HPSE2: variants seen among roughly 807,000 people sequenced by gnomAD.
HPSE2 encodes the protein inactive heparanase-2.
Under a neutral mutation model 60.5 loss-of-function variants are expected in HPSE2, and 38 were observed. The ratio of observed to expected loss-of-function variants is 0.63; its 90% CI spans 0.48 to 0.82. The LOEUF is 0.82. HPSE2 is among the 40% of genes least tolerant of loss of function. The pLI, the probability that HPSE2 is intolerant of heterozygous loss-of-function variation, is 0.00. For synonymous variants in HPSE2, 295 were observed against 293.2 expected, an observed-to-expected ratio of 1.01 and a Z score of -0.06; for missense variants, 713 against 740.4, an observed-to-expected ratio of 0.96 and a Z score of 0.43.
Position 98,570,001 on chromosome 10 carries a change from G to A in HPSE2, c.1320+44903C>T, listed in dbSNP as rs376829786. Among the ~76,000 whole-genome samples, 69 of 152,324 alleles carry A rather than the reference G, an allele frequency of 4.5e-4. No homozygotes were observed. In the South Asian group the frequency reaches 0.014, roughly 31 times the overall value. On this transcript the variant is annotated intron_variant, in intron 9 of 11. Coordinates refer to ENST00000370552, the MANE Select transcript of HPSE2 (RefSeq NM_021828.5). ...AATTACACACACAATCCAACTAAGT[G>A]TTAAGAGGTCTTCTCTGAGACAGCT...
At chr10:99,012,521 C>T (rs536728495) in intron 3 of HPSE2, among the ~76,000 whole-genome samples, 2 of 151,980 alleles carry the variant, frequency 1.3e-5, no homozygotes, top group South Asian at 2.1e-4. Flanking sequence ...TGGCACCTAA[C>T]ACCAATGCCA....
chr10:98,619,996 C>G (rs1430883688), intron 8 of HPSE2, among the ~76,000 whole-genome samples: 1 of 152,200 alleles, frequency 6.6e-6, no homozygotes, highest in South Asian at 2.1e-4. Context: ...GAATAAGTTA[C>G]TTCACCTCTT....
intron 3 of HPSE2, among the ~76,000 whole-genome samples, chr10:98,941,454 A>C (rs1423870279): frequency 7.1e-6 from 1 of 140,688 alleles, no homozygotes; most frequent in Non-Finnish European, 1.5e-5. Context: ...CAGAGAGCCA[A>C]ATCATCAGTG....
chr10:98,871,534 G>A (rs977203914), intron 3 of HPSE2, among the ~76,000 whole-genome samples: 1 of 151,692 alleles, frequency 6.6e-6, no homozygotes, highest in Non-Finnish European at 1.5e-5. Flanking sequence ...GACATTTAAT[G>A]GCAAATATAC....
chr10:98,632,113 G>C (rs1366707765), intron 7 of HPSE2, among the ~76,000 whole-genome samples: 1 of 152,118 alleles, frequency 6.6e-6, no homozygotes, highest in Non-Finnish European at 1.5e-5. Context: ...TAAGAGTGCT[G>C]GTTCTAGAGT....
At chr10:99,182,666 G>C (rs1847820860) in intron 2 of HPSE2, among the ~76,000 whole-genome samples, 1 of 152,044 alleles carries the variant, frequency 6.6e-6, no homozygotes. Context: ...CAGTAATTAT[G>C]GAATAACAGG....
At chr10:99,207,815 T>A (rs1336888792) in intron 2 of HPSE2, among the ~76,000 whole-genome samples, 1 of 151,784 alleles carries the variant, frequency 6.6e-6, no homozygotes, top group Non-Finnish European at 1.5e-5. Flanking sequence ...ACCCCCCACC[T>A]TATTCACAAG....
At chr10:98,662,665 CTAA>C (rs2134090110) in intron 6 of HPSE2, among the ~76,000 whole-genome samples, 1 of 152,270 alleles carries the variant, frequency 6.6e-6, no homozygotes, top group East Asian at 1.9e-4. Context: ...ATGAGTTTAC[CTAA>C]TAACAAACCT....
chr10:98,755,563 T>C (rs1949858794), intron 3 of HPSE2, among the ~76,000 whole-genome samples: 1 of 152,218 alleles, frequency 6.6e-6, no homozygotes, highest in African/African-American at 2.4e-5. Flanking sequence ...CAACGGAATA[T>C]ACATTCTTCT....
intron 3 of HPSE2, among the ~76,000 whole-genome samples, chr10:98,925,576 C>A (rs1356989196): frequency 6.6e-6 from 1 of 152,040 alleles, no homozygotes; most frequent in East Asian, 1.9e-4. Context: ...CAATATCAAC[C>A]AATGGGGATG....
chr10:99,072,347 A>G (rs1199719650), intron 3 of HPSE2, among the ~76,000 whole-genome samples: 1 of 108,902 alleles, frequency 9.2e-6, no homozygotes, highest in Non-Finnish European at 2.4e-5. Context: ...AGAAACTATC[A>G]TCAGAGCAAA....
chr10:98,932,342 T>C (rs1179538436), intron 3 of HPSE2, among the ~76,000 whole-genome samples: 1 of 144,224 alleles, frequency 6.9e-6, no homozygotes, highest in Non-Finnish European at 1.5e-5. Flanking sequence ...GTGGATAAAC[T>C]TTTTGATGTG....
At chr10:98,872,098 A>T (rs1952748142) in intron 3 of HPSE2, among the ~76,000 whole-genome samples, 1 of 152,028 alleles carries the variant, frequency 6.6e-6, no homozygotes, top group Non-Finnish European at 1.5e-5. Flanking sequence ...CATTTTTGTG[A>T]GGTCCGTTAC....
intron 5 of HPSE2, among the ~76,000 whole-genome samples, chr10:98,711,400 G>C (rs1948673285): frequency 6.6e-6 from 1 of 152,146 alleles, no homozygotes; most frequent in Admixed American, 6.6e-5. Flanking sequence ...AGGTTGAGAA[G>C]AACTGTATTT....
intron 6 of HPSE2, among the ~76,000 whole-genome samples, chr10:98,679,691 T>C (rs1365602352): frequency 6.6e-6 from 1 of 152,144 alleles, no homozygotes; most frequent in East Asian, 1.9e-4. Flanking sequence ...GGGATTATTT[T>C]AGTTTTCGTT....
chr10:99,117,840 G>C (rs1383863131), intron 3 of HPSE2, among the ~76,000 whole-genome samples: 1 of 152,154 alleles, frequency 6.6e-6, no homozygotes, highest in African/African-American at 2.4e-5. Flanking sequence ...AATTGAGGAT[G>C]AGGGACCCTT....
chr10:98,827,502 G>A (rs770579367), intron 3 of HPSE2, among the ~76,000 whole-genome samples: 2 of 151,958 alleles, frequency 1.3e-5, no homozygotes, highest in South Asian at 2.1e-4. Flanking sequence ...CACTGCGCCC[G>A]GCCCTACACC....
At chr10:98,746,019 T>C (rs907116225) in intron 3 of HPSE2, among the ~76,000 whole-genome samples, 1 of 152,158 alleles carries the variant, frequency 6.6e-6, no homozygotes, top group Non-Finnish European at 1.5e-5. Context: ...TTCTTACATA[T>C]ATAAGAAAGT....
intron 3 of HPSE2, among the ~76,000 whole-genome samples, chr10:99,032,259 T>C (rs915647269): frequency 1.4e-4 from 21 of 152,242 alleles, no homozygotes; most frequent in African/African-American, 4.8e-4. Flanking sequence ...GGCAATTACT[T>C]CCTGAGATCA....
Sources: allele counts gnomAD v4.1 joint callset (sites outside exome capture counted in the v4.1 genomes callset), GRCh38; gene constraint gnomAD v4.1.1; transcripts MANE v1.5; gene names NCBI Gene and HGNC (gene_info 2026-07-23, HGNC 2026-07-21).